CTNNA3: variants seen among roughly 807,000 people sequenced by gnomAD.
The protein encoded by CTNNA3 is catenin alpha 3, also known as catenin alpha-3.
Under a neutral mutation model 95.7 loss-of-function variants are expected in CTNNA3, and 76 were observed. That is an observed-to-expected ratio of 0.79 (90% CI 0.66 to 0.96). CTNNA3 has a LOEUF of 0.96. Among genes scored for constraint, CTNNA3 ranks in the 40% least tolerant of loss-of-function variants. The pLI is 0.00. For missense variants in CTNNA3, 1,191 were observed against 1,089.8 expected (o/e 1.09, Z -1.31); for synonymous variants, 431 against 374.4 (o/e 1.15, Z -1.74).
intron 13 of CTNNA3, among the ~76,000 whole-genome samples, chr10:66,159,626 G>GTTTTTTTTTTTTTTTTTTTGTTTTTTTT (rs34684370): frequency 2.6e-5 from 3 of 114,930 alleles, no homozygotes; most frequent in Non-Finnish European, 1.8e-5. Flanking sequence ...TTTGTTTTCT[G>GTTTTTTTTTTTTTTTTTTTGTTTTTTTT]TTTTTTTTTT....
At chr10:66,007,938 G>C (rs973121820) in intron 15 of CTNNA3, among the ~76,000 whole-genome samples, 2 of 151,642 alleles carry the variant, frequency 1.3e-5, no homozygotes, top group African/African-American at 4.9e-5. Context: ...ACAGTGCCAG[G>C]ATGTATTAGG....
At chr10:66,152,198 T>G (rs1443069406) in intron 13 of CTNNA3, among the ~76,000 whole-genome samples, 1 of 151,952 alleles carries the variant, frequency 6.6e-6, no homozygotes, top group Non-Finnish European at 1.5e-5. Flanking sequence ...CAGAAGATGT[T>G]TTCAAGATAT....
chr10:66,907,597 C>G (rs1846040964), intron 7 of CTNNA3, among the ~76,000 whole-genome samples: 1 of 152,116 alleles, frequency 6.6e-6, no homozygotes, highest in Non-Finnish European at 1.5e-5. Flanking sequence ...TTCTAGCTCT[C>G]AATATCCCAT....
intron 5 of CTNNA3, among the ~76,000 whole-genome samples, chr10:67,350,612 A>G (rs1009641976): frequency 5.3e-5 from 8 of 151,468 alleles, no homozygotes; most frequent in African/African-American, 1.7e-4. Flanking sequence ...ACCACCAACA[A>G]CAAAGAAAAT....
intron 5 of CTNNA3, among the ~76,000 whole-genome samples, chr10:67,251,362 CT>C: frequency 6.6e-6 from 1 of 152,080 alleles, no homozygotes; most frequent in East Asian, 1.9e-4. Flanking sequence ...TACAGGGTTG[CT>C]TTTGGAGGTA....
intron 5 of CTNNA3, among the ~76,000 whole-genome samples, chr10:67,311,178 C>G (rs1285364502): frequency 1.3e-5 from 2 of 151,978 alleles, no homozygotes; most frequent in Non-Finnish European, 2.9e-5. Context: ...TTTTAGGGAA[C>G]CACTTGTGGC....
chr10:67,506,812 T>C (rs1202286431), intron 5 of CTNNA3, among the ~76,000 whole-genome samples: 1 of 152,210 alleles, frequency 6.6e-6, no homozygotes, highest in East Asian at 1.9e-4. Flanking sequence ...GAGATTATAA[T>C]TTTTACTAGT....
At chr10:66,873,564 AT>A (rs1295620636) in intron 7 of CTNNA3, among the ~76,000 whole-genome samples, 5 of 151,886 alleles carry the variant, frequency 3.3e-5, no homozygotes, top group African/African-American at 1.2e-4. Context: ...TAATGGAGTA[AT>A]TTGGTTTTTG....
chr10:66,216,949 C>T (rs2131966846), intron 13 of CTNNA3, among the ~76,000 whole-genome samples: 1 of 152,210 alleles, frequency 6.6e-6, no homozygotes, highest in South Asian at 2.1e-4. Context: ...CGAAGATCTC[C>T]CTCATATTAC....
At chr10:67,427,495 A>G (rs1365964244) in intron 5 of CTNNA3, among the ~76,000 whole-genome samples, 1 of 151,984 alleles carries the variant, frequency 6.6e-6, no homozygotes, top group Non-Finnish European at 1.5e-5. Context: ...CTCTTTGTAA[A>G]AATTCAAAAA....
chr10:67,692,137 G>A (rs1349836419), intron 1 of CTNNA3, among the ~76,000 whole-genome samples: 26 of 151,128 alleles, frequency 1.7e-4, no homozygotes, highest in Non-Finnish European at 3.7e-4. Context: ...CCCCCTGCCC[G>A]GCCAGCCGCC....
intron 3 of CTNNA3, among the ~76,000 whole-genome samples, chr10:67,590,480 T>C (rs1310895688): frequency 6.6e-6 from 1 of 152,076 alleles, no homozygotes; most frequent in Non-Finnish European, 1.5e-5. Flanking sequence ...ACCAAAACTG[T>C]TTTTCAAAGT....
intron 9 of CTNNA3, among the ~76,000 whole-genome samples, chr10:66,749,223 A>G (rs1023372980): frequency 2.7e-5 from 4 of 146,078 alleles, no homozygotes; most frequent in African/African-American, 8.1e-5. Context: ...AAAAAAAAAA[A>G]AAAAAGAAAA....
At chr10:67,174,061 A>C (rs1212687377) in intron 7 of CTNNA3, among the ~76,000 whole-genome samples, 1 of 152,152 alleles carries the variant, frequency 6.6e-6, no homozygotes, top group Non-Finnish European at 1.5e-5. Context: ...TGCAAGACTT[A>C]AGTTTTGACA....
intron 9 of CTNNA3, among the ~76,000 whole-genome samples, chr10:66,644,929 T>A (rs933067587): frequency 1.3e-5 from 2 of 152,146 alleles, no homozygotes; most frequent in Non-Finnish European, 2.9e-5. Flanking sequence ...TCCTGCTAGC[T>A]CAGTGCCCCC....
chr10:66,103,780 C>A (rs4746547), intron 13 of CTNNA3, among the ~76,000 whole-genome samples: 27,651 of 151,984 alleles, frequency 0.18, 2,743 homozygotes, highest in South Asian at 0.35. Flanking sequence ...GAGATGATAA[C>A]AATGTTCTGC....
At chr10:67,280,660 G>A (rs7078250) in intron 5 of CTNNA3, among the ~76,000 whole-genome samples, 10,814 of 151,994 alleles carry the variant, frequency 0.071, 643 homozygotes, top group African/African-American at 0.17. Context: ...CTCCCAGTGT[G>A]CACATAGGCC....
At chr10:66,054,428 G>C (rs1260280378) in intron 15 of CTNNA3, among the ~76,000 whole-genome samples, 1 of 152,094 alleles carries the variant, frequency 6.6e-6, no homozygotes, top group Non-Finnish European at 1.5e-5. Context: ...TTTTAACTGG[G>C]GTGAGGTGAC....
rs186595239 is a variant in CTNNA3, at chr10:67,060,422, A to C, written c.1047+119895T>G. 2.4e-3 allele frequency among the ~76,000 whole-genome samples: 363 copies of C among 152,364 alleles called. 1 individual carries two copies. Among genetic ancestry groups the C allele is most frequent in the African/African-American group, 8.2e-3 (340 of 41,594 alleles). On this transcript the variant is annotated intron_variant, in intron 7 of 17. Transcript: ENST00000433211. Reference sequence around the variant, plus strand: ...TATGTTCTAGTATTGAAGCACTTTCATGAAATTTTAATTTATACTCAAGTA... The same window carrying C: ...TATGTTCTAGTATTGAAGCACTTTCCTGAAATTTTAATTTATACTCAAGTA...
Sources: gnomAD v4.1 joint callset for allele counts (sites outside exome capture counted in the v4.1 genomes callset) on GRCh38, gnomAD v4.1.1 for gene constraint, MANE v1.5 for transcripts, NCBI Gene and HGNC (gene_info 2026-07-23, HGNC 2026-07-21) for gene names.